The following WDR11 variants were observed in gnomAD, a reference collection of about 807,000 sequenced individuals.
WDR11 encodes the protein WD repeat domain 11.
WDR11 carries 83 observed loss-of-function variants against 151.2 expected under a neutral mutation model. The ratio of observed to expected loss-of-function variants is 0.55; its 90% confidence interval spans 0.46 to 0.66. WDR11 has a LOEUF of 0.66. Among genes scored for constraint, WDR11 ranks in the 30% least tolerant of loss-of-function variants. The pLI, the probability that WDR11 is intolerant of heterozygous loss-of-function variation, is 0.00. For synonymous variants in WDR11, 484 were observed against 533.1 expected (o/e 0.91, Z 1.27); for missense variants, 1,301 against 1,480.9 (o/e 0.88, Z 1.99).
rs367792686 is a variant in WDR11, at chr10:120,908,545, C to T, written c.3518-11C>T. The T allele has an allele frequency of 5.6e-6, 9 of 1,613,994 alleles. No homozygotes were observed. In the African/African-American group the frequency reaches 1.2e-4, roughly 22 times the overall value. ...CCCTTTTTACTCTTCTTTTCCTTAACTATGGTTTACAGAAACTCATCACTG... is the reference window on the plus strand; with the variant it reads ...CCCTTTTTACTCTTCTTTTCCTTAATTATGGTTTACAGAAACTCATCACTG... On this transcript the variant is annotated splice_polypyrimidine_tract_variant and intron_variant, in intron 28 of 28. Coordinates refer to ENST00000263461, the MANE Select transcript of WDR11 (RefSeq NM_018117.12).
chr10:120,874,931 C>A (rs1370833033), intron 11 of WDR11, among the ~76,000 whole-genome samples: 5 of 152,030 alleles, frequency 3.3e-5, no homozygotes, highest in Admixed American at 6.6e-5. Flanking sequence ...GCCCCACATG[C>A]ATTAGGTATT....
intron 14 of WDR11, among the ~76,000 whole-genome samples, chr10:120,884,805 A>G (rs549287906): frequency 3.3e-5 from 5 of 152,202 alleles, no homozygotes; most frequent in Non-Finnish European, 5.9e-5. Flanking sequence ...GTGAAGAGCT[A>G]ATGAGAGGCA....
chr10:120,873,843 A>T lies in WDR11; in HGVS notation c.1476A>T (p.Thr492=), dbSNP rs772195077. The T allele has an allele frequency of 6.2e-7, 1 of 1,610,420 alleles. No homozygotes were observed. Among genetic ancestry groups the T allele is most frequent in the African/African-American group, 1.3e-5 (1 of 74,846 alleles). ...KMYQPLLAVG[T]SNGSVLVYHL... ...TCCATGATGTCATTTTGAAAGGTAC[A>T]AGTAATGGTTCTGTCCTGGTGTACC... The change falls in exon 11 of 29, where the codon ACA becomes ACT. Residue 492 remains threonine (T), a synonymous_variant. Coordinates refer to ENST00000263461, the MANE Select transcript of WDR11 (RefSeq NM_018117.12).
Position 120,903,307 on chromosome 10 carries a change from T to C in WDR11, c.2931+75T>C, listed in dbSNP as rs546235505. ...TATATCTTTGTCAATATCTTAAACT[T>C]GGGAAACTTTCAAACTAAGTTACTG... is the stretch of plus-strand genomic sequence containing the variant. On this transcript the variant is annotated intron_variant, in intron 23 of 28. Transcript: ENST00000263461. 969 of 1,560,460 alleles carry C rather than the reference T, an allele frequency of 6.2e-4. 1 individual carries two copies. Among genetic ancestry groups the C allele is most frequent in the Non-Finnish European group, 7.0e-4 (794 of 1,141,802 alleles).
At chr10:120,858,575 T>C (rs1846027290) in intron 2 of WDR11, 68 bp from the exon 3 acceptor site, 1 of 1,583,972 alleles carries the variant, frequency 6.3e-7, no homozygotes, top group Non-Finnish European at 8.7e-7. Context: ...TGGTTGATGT[T>C]TTGTGAAAAT....
chr10:120,852,337 A>G (rs552326908), intron 1 of WDR11, 187 bp from the exon 2 acceptor site: 2 of 582,868 alleles, frequency 3.4e-6, no homozygotes, highest in Admixed American at 3.0e-5. Context: ...GTGAATTTCA[A>G]CAAGCATTTT....
intron 25 of WDR11, 110 bp downstream of exon 25, chr10:120,904,921 A>G (rs1226220834): frequency 6.3e-6 from 8 of 1,271,910 alleles, no homozygotes; most frequent in Non-Finnish European, 9.0e-6. Context: ...TGCTGAAGAA[A>G]AATAGAAAAA....
chr10:120,865,021 C>T (rs751617639), intron 5 of WDR11, 26 bp from the exon 6 acceptor site: 9 of 1,612,780 alleles, frequency 5.6e-6, no homozygotes, highest in South Asian at 1.1e-5. Flanking sequence ...AAGTCTTTGA[C>T]CCAAGTGAAT....
At chr10:120,882,065 G>C (rs980214604) in intron 13 of WDR11, among the ~76,000 whole-genome samples, 1 of 152,014 alleles carries the variant, frequency 6.6e-6, no homozygotes, top group Non-Finnish European at 1.5e-5. Context: ...AGTAGGTGTT[G>C]AATTTATCAA....
intron 19 of WDR11, among the ~76,000 whole-genome samples, chr10:120,895,348 T>C (rs981774945): frequency 1.3e-5 from 2 of 152,208 alleles, no homozygotes; most frequent in African/African-American, 4.8e-5. Context: ...TTGTCGTCTA[T>C]GAAGGATGAA....
At chr10:120,862,018 T>C (rs1407373099) in intron 4 of WDR11, among the ~76,000 whole-genome samples, 1 of 152,202 alleles carries the variant, frequency 6.6e-6, no homozygotes, top group African/African-American at 2.4e-5. Context: ...AAATTTGGTA[T>C]CATCAAATAA....
intron 1 of WDR11, 175 bp from the exon 2 acceptor site, chr10:120,852,349 A>G: frequency 1.6e-6 from 1 of 607,520 alleles, no homozygotes; most frequent in South Asian, 2.0e-5. Flanking sequence ...AAGCATTTTA[A>G]GCTTAGCCAG....
chr10:120,885,271 GTATATATA>G (rs148015588), intron 14 of WDR11: 91 of 146,744 alleles, frequency 6.2e-4, no homozygotes, highest in South Asian at 1.3e-3. Flanking sequence ...ACAGGATGAA[GTATATATA>G]TATATATACA....
In WDR11 at chr10:120,889,056, G is replaced by A. The variant is rs773100740; in HGVS notation, c.2122-22G>A. The A allele has an allele frequency of 2.7e-6, 4 of 1,507,352 alleles. No individual in the cohort carries two copies. The South Asian group carries it at 4.5e-5, about 17-fold the overall frequency. The allele number at this position is 1,507,352 out of a possible 1,614,324, so 93.4% of individuals were successfully genotyped here. On this transcript the variant is annotated intron_variant, in intron 16 of 28. Coordinates refer to ENST00000263461, the MANE Select transcript of WDR11 (RefSeq NM_018117.12). ...ATACAGCATAGTGAAATTTATATTTGTTTGTTGCTGTTGTTTTCTAGGGAA... is the reference window on the plus strand; with the variant it reads ...ATACAGCATAGTGAAATTTATATTTATTTGTTGCTGTTGTTTTCTAGGGAA...
intron 9 of WDR11, among the ~76,000 whole-genome samples, chr10:120,867,715 A>G (rs1846364776): frequency 6.6e-6 from 1 of 152,110 alleles, no homozygotes; most frequent in South Asian, 2.1e-4. Flanking sequence ...AGGGTGGTAC[A>G]GTGTTTGATT....
chr10:120,908,346 G>A (rs1197543720), intron 28 of WDR11: 2 of 600,026 alleles, frequency 3.3e-6, no homozygotes. Context: ...GGTAATGATG[G>A]TACAGACTGA....
chr10:120,878,379 G>C lies in WDR11; in HGVS notation c.1583G>C (p.Ser528Thr), dbSNP rs1378068205. The change falls in exon 12 of 29, where the codon AGT becomes ACT. Residue 528 changes from serine (S) to threonine (T), a missense_variant. Physicochemically the swap from Ser to Thr is moderately conservative, Grantham distance 58 (BLOSUM62 1). Coordinates refer to ENST00000263461, the MANE Select transcript of WDR11 (RefSeq NM_018117.12). The stretch of plus-strand genomic sequence containing the variant: ...GGTATTGAATGGACAAGTTTGACTA[G>C]TTTTCTTTCTTTTGCTACCTCAACA... Reference protein sequence around the residue: ...VKGIEWTSLTSFLSFATSTPN... With the variant: ...VKGIEWTSLTTFLSFATSTPN... The C allele has an allele frequency of 6.2e-7, 1 of 1,612,872 alleles. No homozygotes were observed. Among genetic ancestry groups the C allele is most frequent in the Non-Finnish European group, 8.5e-7 (1 of 1,179,318 alleles).
chr10:120,854,500 T>A (rs909751438), intron 2 of WDR11, among the ~76,000 whole-genome samples: 5 of 152,208 alleles, frequency 3.3e-5, no homozygotes, highest in Admixed American at 6.5e-5. Context: ...TGAACCTGTG[T>A]TTTCATTTCC....
At chr10:120,856,665 A>G (rs1845959109) in intron 2 of WDR11, among the ~76,000 whole-genome samples, 1 of 151,258 alleles carries the variant, frequency 6.6e-6, no homozygotes, top group Non-Finnish European at 1.5e-5. Flanking sequence ...TCTGCATTAT[A>G]TCTTTTTTCC....
Sources: gnomAD v4.1 joint callset for allele counts (sites outside exome capture counted in the v4.1 genomes callset) on GRCh38, gnomAD v4.1.1 for gene constraint, MANE v1.5 for transcripts, NCBI Gene and HGNC (gene_info 2026-07-23, HGNC 2026-07-21) for gene names.